The following CPNE4 variants were observed in gnomAD, a reference collection of about 807,000 sequenced individuals.
CPNE4 encodes copine-4.
A neutral mutation model predicts 67.9 loss-of-function variants in CPNE4; 25 were observed. The ratio of observed to expected loss-of-function variants is 0.37; its 90% CI spans 0.27 to 0.51. The LOEUF (loss-of-function observed/expected upper bound fraction) is 0.51. CPNE4 is among the 20% of genes least tolerant of loss of function. The probability of loss-of-function intolerance (pLI) is 0.93; values close to 1 mark genes in which losing one functional copy is unlikely to be tolerated. For synonymous variants in CPNE4, 242 were observed against 244.9 expected (o/e 0.99, Z 0.11); for missense variants, 464 against 690.8 (o/e 0.67, Z 3.68).
intron 14 of CPNE4, among the ~76,000 whole-genome samples, chr3:131,547,489 A>C (rs1411342159): frequency 2.4e-5 from 3 of 123,060 alleles, no homozygotes; most frequent in South Asian, 2.8e-4. Context: ...AAAAAAAAAA[A>C]AAAAAAAAAA....
intron 6 of CPNE4, among the ~76,000 whole-genome samples, chr3:131,676,516 A>G (rs931993656): frequency 2.6e-5 from 4 of 151,804 alleles, no homozygotes; most frequent in African/African-American, 4.8e-5. Flanking sequence ...TATTTTTCCT[A>G]CTTCTCTCCC....
intron 7 of CPNE4, among the ~76,000 whole-genome samples, chr3:131,645,956 A>G (rs1331968824): frequency 6.6e-6 from 1 of 152,200 alleles, no homozygotes; most frequent in Non-Finnish European, 1.5e-5. Flanking sequence ...TCAAGAAACT[A>G]TGCATGAAAG....
chr3:131,852,607 G>T (rs1238113411), intron 2 of CPNE4, among the ~76,000 whole-genome samples: 5 of 151,638 alleles, frequency 3.3e-5, no homozygotes, highest in Admixed American at 3.3e-4. Flanking sequence ...TCAGGAACAA[G>T]GTAAAGATTT....
chr3:131,971,765 T>C (rs750147831), intron 1 of CPNE4, among the ~76,000 whole-genome samples: 1 of 152,126 alleles, frequency 6.6e-6, no homozygotes, highest in Non-Finnish European at 1.5e-5. Context: ...AGCAAGACCA[T>C]TGCCCTTCAG....
chr3:131,890,195 G>T (rs937956994), intron 2 of CPNE4, among the ~76,000 whole-genome samples: 3 of 151,704 alleles, frequency 2.0e-5, no homozygotes, highest in African/African-American at 4.8e-5. Context: ...TATCTAAAAA[G>T]AATTAATTTC....
intron 1 of CPNE4, among the ~76,000 whole-genome samples, chr3:131,976,685 C>T (rs1174427588): frequency 6.6e-6 from 1 of 151,970 alleles, no homozygotes; most frequent in Non-Finnish European, 1.5e-5. Flanking sequence ...TGTATAACGA[C>T]TGGAAAGTAT....
chr3:131,862,956 G>A (rs1235431865), intron 2 of CPNE4, among the ~76,000 whole-genome samples: 3 of 150,418 alleles, frequency 2.0e-5, no homozygotes, highest in Non-Finnish European at 4.5e-5. Flanking sequence ...AGAACATGCG[G>A]TGTTTGGTTT....
intron 7 of CPNE4, among the ~76,000 whole-genome samples, chr3:131,625,518 G>A (rs1197641883): frequency 6.6e-6 from 1 of 152,068 alleles, no homozygotes; most frequent in Non-Finnish European, 1.5e-5. Context: ...TATGCAGAAC[G>A]GGACAGTAAG....
intron 1 of CPNE4, among the ~76,000 whole-genome samples, chr3:132,030,525 G>A (rs1479907387): frequency 6.6e-6 from 1 of 152,146 alleles, no homozygotes; most frequent in Non-Finnish European, 1.5e-5. Context: ...CCAGCCCTAT[G>A]ACTAAAATAA....
chr3:131,927,041 T>C (rs947538164), intron 1 of CPNE4, among the ~76,000 whole-genome samples: 7 of 152,156 alleles, frequency 4.6e-5, no homozygotes, highest in African/African-American at 1.4e-4. Context: ...CAACTAACAA[T>C]AGCTAGTGCC....
chr3:131,759,940 T>A (rs2082847962), intron 2 of CPNE4, among the ~76,000 whole-genome samples: 1 of 152,174 alleles, frequency 6.6e-6, no homozygotes, highest in African/African-American at 2.4e-5. Context: ...TATTACAAAG[T>A]TATCTGGCAT....
intron 2 of CPNE4, among the ~76,000 whole-genome samples, chr3:131,848,455 G>A (rs1336445223): frequency 6.6e-6 from 1 of 151,962 alleles, no homozygotes; most frequent in African/African-American, 2.4e-5. Flanking sequence ...CTTCCTTCAA[G>A]CCTGCAACAT....
intron 6 of CPNE4, among the ~76,000 whole-genome samples, chr3:131,677,428 T>C (rs958575635): frequency 6.6e-6 from 1 of 152,156 alleles, no homozygotes; most frequent in African/African-American, 2.4e-5. Context: ...AGGAGCTCTT[T>C]AGTTTAATTA....
At position 131,534,029 on chromosome 3, in the gene CPNE4, T is replaced by C. The variant is rs1413135547; in HGVS notation, c.*1166A>G. Reference sequence around the variant, plus strand: ...GAAAGGAGGCAAGAAATTCCCACACTAAGCTCAAAGGTCAATTTAGTGGAC... The same window carrying C: ...GAAAGGAGGCAAGAAATTCCCACACCAAGCTCAAAGGTCAATTTAGTGGAC... On this transcript the variant is annotated 3_prime_UTR_variant, in exon 16 of 16. Coordinates refer to ENST00000429747, the MANE Select transcript of CPNE4 (RefSeq NM_130808.3). 5 of 152,196 alleles carry C rather than the reference T, an allele frequency of 3.3e-5. No individual in the cohort carries two copies. Among genetic ancestry groups the C allele is most frequent in the African/African-American group, 1.2e-4 (5 of 41,444 alleles). 9.4% of individuals were successfully genotyped at this position (152,196 alleles called of 1,614,324 possible). A position where few individuals can be genotyped will look rare whatever the true frequency, so the allele number is the denominator to read the frequency against.
chr3:131,882,202 A>C (rs1471126525), intron 2 of CPNE4, among the ~76,000 whole-genome samples: 2 of 152,076 alleles, frequency 1.3e-5, no homozygotes, highest in Non-Finnish European at 2.9e-5. Flanking sequence ...ACTGTATAAT[A>C]TGTTAATAAG....
At chr3:131,835,718 A>G (rs1420141594) in intron 2 of CPNE4, among the ~76,000 whole-genome samples, 1 of 152,014 alleles carries the variant, frequency 6.6e-6, no homozygotes, top group Non-Finnish European at 1.5e-5. Flanking sequence ...CCTCTCCCCA[A>G]TAAGTGTACT....
At chr3:131,996,763 T>A (rs1238765595) in intron 1 of CPNE4, among the ~76,000 whole-genome samples, 2 of 152,058 alleles carry the variant, frequency 1.3e-5, no homozygotes, top group Non-Finnish European at 2.9e-5. Context: ...CGTGTTCTGA[T>A]TTCTGAGTTA....
At chr3:131,933,369 GC>G (rs1270072312) in intron 1 of CPNE4, among the ~76,000 whole-genome samples, 6 of 152,154 alleles carry the variant, frequency 3.9e-5, no homozygotes, top group African/African-American at 1.4e-4. Context: ...AATTTGAGAG[GC>G]TTCGTGAAAA....
At chr3:131,816,196 CTT>C (rs2084734489) in intron 2 of CPNE4, among the ~76,000 whole-genome samples, 1 of 152,148 alleles carries the variant, frequency 6.6e-6, no homozygotes, top group African/African-American at 2.4e-5. Context: ...ATTTTAAAGA[CTT>C]TTCCAAGTTT....
Sources: gnomAD v4.1 joint callset for allele counts (sites outside exome capture counted in the v4.1 genomes callset) on GRCh38, gnomAD v4.1.1 for gene constraint, MANE v1.5 for transcripts, NCBI Gene and HGNC (gene_info 2026-07-23, HGNC 2026-07-21) for gene names.